The following E2F2 variants were observed in gnomAD, a reference collection of about 807,000 sequenced individuals.
The protein encoded by E2F2 is transcription factor E2F2.
In E2F2, 22 loss-of-function variants were observed where a neutral mutation model predicts 42.2. That is an observed-to-expected ratio of 0.52 (90% CI 0.37 to 0.74). The LOEUF (loss-of-function observed/expected upper bound fraction) is 0.74. E2F2 is among the 30% of genes least tolerant of loss of function. The pLI, the probability that E2F2 is intolerant of heterozygous loss-of-function variation, is 0.00. For synonymous variants in E2F2, 248 were observed against 251.6 expected (o/e 0.99, Z 0.13); for missense variants, 481 against 557.8 (o/e 0.86, Z 1.39).
At chr1:23,528,469 G>A (rs1643285137) in intron 1 of E2F2, among the ~76,000 whole-genome samples, 1 of 152,198 alleles carries the variant, frequency 6.6e-6, no homozygotes, top group Non-Finnish European at 1.5e-5. Flanking sequence ...GGATTGACAG[G>A]AGCGGGAGCT....
intron 6 of E2F2, 48 bp from the exon 7 acceptor site, chr1:23,510,196 C>T (rs2148686595): frequency 1.3e-6 from 2 of 1,494,170 alleles, no homozygotes; most frequent in Middle Eastern, 2.0e-4. Context: ...CATCCAACTC[C>T]TCAGCACGCG....
intron 1 of E2F2, among the ~76,000 whole-genome samples, chr1:23,525,507 A>T (rs1392182460): frequency 6.6e-6 from 1 of 152,186 alleles, no homozygotes; most frequent in African/African-American, 2.4e-5. Context: ...CTTCCTCTGT[A>T]AATGGGGTAA....
chr1:23,512,412 T>G (rs1325755627), intron 6 of E2F2, among the ~76,000 whole-genome samples: 1 of 151,474 alleles, frequency 6.6e-6, no homozygotes, highest in Non-Finnish European at 1.5e-5. Context: ...TATTTACAGA[T>G]GAGAAAACTA....
Position 23,509,282 on chromosome 1 carries a change from C to T in E2F2, c.*598G>A, listed in dbSNP as rs1354251332. ...CTGCCGTTTACTAGAACCATGAGGCCTAAGTGCAATTAGCATTCTAGCAGA... is the reference window on the plus strand; with the variant it reads ...CTGCCGTTTACTAGAACCATGAGGCTTAAGTGCAATTAGCATTCTAGCAGA... On this transcript the variant is annotated 3_prime_UTR_variant, in exon 7 of 7. Transcript: ENST00000361729. 1 of 152,220 alleles carries T rather than the reference C, an allele frequency of 6.6e-6. No individual in the cohort carries two copies. The allele number at this position is 152,220 out of a possible 1,614,324, so 9.4% of individuals were successfully genotyped here. A position where few individuals can be genotyped will look rare whatever the true frequency, so the allele number is the denominator to read the frequency against.
intron 6 of E2F2, among the ~76,000 whole-genome samples, chr1:23,515,672 C>T (rs1160003092): frequency 6.6e-6 from 1 of 150,816 alleles, no homozygotes; most frequent in East Asian, 2.0e-4. Flanking sequence ...AGGTGGGGAC[C>T]ACAGCGCCTG....
At chr1:23,513,488 A>G (rs1423501766) in intron 6 of E2F2, among the ~76,000 whole-genome samples, 1 of 151,970 alleles carries the variant, frequency 6.6e-6, no homozygotes, top group African/African-American at 2.4e-5. Context: ...CCAAGACTGT[A>G]GTGGCTTCCT....
chr1:23,525,194 C>G (rs1030770874), intron 1 of E2F2, among the ~76,000 whole-genome samples: 10 of 151,242 alleles, frequency 6.6e-5, no homozygotes, highest in East Asian at 3.9e-4. Context: ...GGCCACCCCC[C>G]CCCTCCAGCT....
In E2F2 at chr1:23,520,587, T is replaced by TA. The variant is rs747740656; in HGVS notation, c.737+325dup. ...AGCGAGACCCTGTCTATACAAAAAA[T>TA]AAAGAATTAGCCAGGCATGGTGGCA... is the stretch of plus-strand genomic sequence containing the variant. On this transcript the variant is annotated intron_variant, in intron 4 of 6. Coordinates refer to ENST00000361729, the MANE Select transcript of E2F2 (RefSeq NM_004091.4). Among the ~76,000 whole-genome samples the TA allele has an allele frequency of 2.3e-4, 35 of 149,396 alleles. 1 individual carries two copies. Among genetic ancestry groups the TA allele is most frequent in the Non-Finnish European group, 4.8e-4 (32 of 66,974 alleles).
At chr1:23,526,397 T>C (rs1478121245) in intron 1 of E2F2, among the ~76,000 whole-genome samples, 2 of 152,056 alleles carry the variant, frequency 1.3e-5, no homozygotes, top group Admixed American at 6.5e-5. Context: ...TGACCAAGGC[T>C]GCACATCCTA....
intron 1 of E2F2, among the ~76,000 whole-genome samples, chr1:23,529,369 G>T (rs1368593791): frequency 1.3e-5 from 2 of 152,164 alleles, no homozygotes; most frequent in African/African-American, 4.8e-5. Context: ...TTTTGAACAT[G>T]GGCAAAGCCT....
chr1:23,505,477 C>T (rs1046484743), downstream of E2F2, among the ~76,000 whole-genome samples: 8 of 152,146 alleles, frequency 5.3e-5, no homozygotes, highest in Middle Eastern at 3.4e-3. Context: ...TACTGAGTCC[C>T]GCCCCATGAG....
rs1455435300 is a variant in E2F2, at chr1:23,507,623, G to T, written c.*2257C>A. 6.6e-6 allele frequency: 1 copy of T among 152,448 alleles called. No homozygotes were observed. Among genetic ancestry groups the T allele is most frequent in the South Asian group, 2.1e-4 (1 of 4,828 alleles). The allele number at this position is 152,448 out of a possible 1,614,324, so 9.4% of individuals were successfully genotyped here. The stretch of plus-strand genomic sequence containing the variant: ...TTCAAGTGTCACTGGCAAGACGGGG[G>T]CATGAGCTTGTGTCCTGCACTGAAT... On this transcript the variant is annotated 3_prime_UTR_variant, in exon 7 of 7. Coordinates refer to ENST00000361729, the MANE Select transcript of E2F2 (RefSeq NM_004091.4).
chr1:23,529,076 G>A (rs1398124932), intron 1 of E2F2, among the ~76,000 whole-genome samples: 1 of 152,096 alleles, frequency 6.6e-6, no homozygotes, highest in Non-Finnish European at 1.5e-5. Flanking sequence ...AAAGACAGAA[G>A]AGCTGACTGC....
At chr1:23,519,642 A>G (rs991419177) in intron 4 of E2F2, among the ~76,000 whole-genome samples, 7 of 152,236 alleles carry the variant, frequency 4.6e-5, no homozygotes, top group Admixed American at 4.6e-4. Context: ...ATGTATAAAG[A>G]TATTCGGCCG....
intron 6 of E2F2, among the ~76,000 whole-genome samples, chr1:23,514,325 G>C (rs188892695): frequency 9.0e-4 from 137 of 152,210 alleles, no homozygotes; most frequent in African/African-American, 3.1e-3. Context: ...TAGGCACTGG[G>C]GAGGTGTCCC....
rs1049336725 is a variant in E2F2, at chr1:23,510,125, G to T, written c.1069C>A (p.Gln357Lys). 3 of 1,601,674 alleles carry T rather than the reference G, an allele frequency of 1.9e-6. No individual in the cohort carries two copies. Among genetic ancestry groups the T allele is most frequent in the African/African-American group, 1.3e-5 (1 of 74,870 alleles). Residue 357 changes from glutamine to lysine, a missense_variant, in exon 7 of 7, where the codon CAG becomes AAG. Coordinates refer to ENST00000361729, the MANE Select transcript of E2F2 (RefSeq NM_004091.4). ...SSVPAPAPTPQQAPPPPSLVP... is the reference protein window; with the variant it reads ...SSVPAPAPTPKQAPPPPSLVP... ...AGGGATGGAGGCGGTGGGGCCTGCT[G>T]GGGGGTTGGCGCTGGTGCTGGCACT...
chr1:23,523,155 A>AC (rs1643183662), intron 2 of E2F2, among the ~76,000 whole-genome samples: 2 of 143,236 alleles, frequency 1.4e-5, no homozygotes, highest in Admixed American at 7.0e-5. Flanking sequence ...TCTAACCAGG[A>AC]TTTTTTTTTT....
intron 6 of E2F2, among the ~76,000 whole-genome samples, chr1:23,513,117 A>G: frequency 8.7e-6 from 1 of 114,748 alleles, no homozygotes; most frequent in East Asian, 3.6e-4. Flanking sequence ...TGGCCACATA[A>G]GTTTTTTTTT....
chr1:23,525,124 T>C (rs896877427), intron 1 of E2F2, among the ~76,000 whole-genome samples: 2 of 152,256 alleles, frequency 1.3e-5, no homozygotes, highest in Non-Finnish European at 2.9e-5. Flanking sequence ...TTTGCCATTC[T>C]TTCTTTGCCG....
Sources: gnomAD v4.1 joint callset for allele counts (sites outside exome capture counted in the v4.1 genomes callset) on GRCh38, gnomAD v4.1.1 for gene constraint, MANE v1.5 for transcripts, NCBI Gene and HGNC (gene_info 2026-07-23, HGNC 2026-07-21) for gene names.